Variants in TNS1 observed in about 807,000 individuals in gnomAD.
The protein encoded by TNS1 is tensin 1, also known as tensin-1.
Under a neutral mutation model 168.6 loss-of-function variants are expected in TNS1, and 62 were observed. That is an observed-to-expected ratio of 0.37 (90% CI 0.30 to 0.45). The LOEUF is 0.45. Ranked by LOEUF, TNS1 falls within the 20% of genes least tolerant of loss-of-function variation. TNS1 has a pLI of 1.00. For synonymous variants in TNS1, 934 were observed against 933.2 expected (o/e 1.00, Z -0.02); for missense variants, 2,240 against 2,339.4 (o/e 0.96, Z 0.88).
intron 21 of TNS1, 50 bp downstream of exon 21, chr2:217,835,041 G>A: frequency 6.7e-7 from 1 of 1,500,374 alleles, no homozygotes; most frequent in Non-Finnish European, 8.9e-7. Context: ...GGGTTGAGCT[G>A]AGGGGCTGGA....
At chr2:217,859,728 T>A in intron 18 of TNS1, 1 of 1,520,298 alleles carries the variant, frequency 6.6e-7, no homozygotes, top group African/African-American at 1.4e-5. Flanking sequence ...TAGCAGAGTA[T>A]CACTTTTCAG....
chr2:218,022,936 C>T (rs993668046), intron 1 of TNS1, among the ~76,000 whole-genome samples: 2 of 152,090 alleles, frequency 1.3e-5, no homozygotes, highest in East Asian at 3.9e-4. Context: ...GCTTCCTCGC[C>T]CACCCTGAGC....
At chr2:217,902,298 C>G (rs1953096897) in intron 6 of TNS1, among the ~76,000 whole-genome samples, 1 of 152,194 alleles carries the variant, frequency 6.6e-6, no homozygotes, top group Non-Finnish European at 1.5e-5. Context: ...CTATAAATAG[C>G]CCCTTGAGTT....
intron 2 of TNS1, among the ~76,000 whole-genome samples, chr2:217,981,068 C>T (rs896373877): frequency 6.6e-6 from 1 of 152,226 alleles, no homozygotes; most frequent in Non-Finnish European, 1.5e-5. Flanking sequence ...CCACACTACA[C>T]TCAGAGGGCA....
chr2:217,978,503 C>T (rs1189556987), intron 3 of TNS1, among the ~76,000 whole-genome samples: 6 of 151,960 alleles, frequency 3.9e-5, no homozygotes, highest in Non-Finnish European at 1.5e-5. Context: ...CATCAGCCAC[C>T]CCCGGTAACC....
intron 3 of TNS1, among the ~76,000 whole-genome samples, chr2:217,931,935 T>C (rs2125906797): frequency 6.6e-6 from 1 of 152,322 alleles, no homozygotes; most frequent in East Asian, 1.9e-4. Context: ...CTTTCTGATG[T>C]TTACCTATGT....
chr2:217,988,249 C>A (rs1168893865), intron 2 of TNS1, among the ~76,000 whole-genome samples: 1 of 152,228 alleles, frequency 6.6e-6, no homozygotes, highest in East Asian at 1.9e-4. Flanking sequence ...CCAGCAGGGC[C>A]AGGCTGAGAT....
chr2:217,899,127 A>G (rs1243579775), intron 7 of TNS1, among the ~76,000 whole-genome samples: 2 of 152,172 alleles, frequency 1.3e-5, no homozygotes, highest in African/African-American at 2.4e-5. Flanking sequence ...CTGAGAAGCC[A>G]TGAGGAATCC....
intron 19 of TNS1, among the ~76,000 whole-genome samples, chr2:217,846,026 A>G (rs1447660516): frequency 6.6e-6 from 1 of 152,130 alleles, no homozygotes; most frequent in African/African-American, 2.4e-5. Flanking sequence ...GAAGAAAAGG[A>G]TCTCTGCTGA....
intron 16 of TNS1, 29 bp from the exon 17 acceptor site, chr2:217,882,440 A>G: frequency 6.5e-7 from 1 of 1,538,260 alleles, no homozygotes; most frequent in East Asian, 2.3e-5. Context: ...AAATAAAAAT[A>G]GGCAAAAAGT....
At chr2:218,020,814 A>G (rs368110410) in intron 1 of TNS1, among the ~76,000 whole-genome samples, 29 of 152,322 alleles carry the variant, frequency 1.9e-4, no homozygotes, top group Middle Eastern at 3.4e-3. Flanking sequence ...GCACTCAGCC[A>G]GATACCCCAG....
At chr2:217,974,025 G>A (rs975413831) in intron 3 of TNS1, among the ~76,000 whole-genome samples, 9 of 152,260 alleles carry the variant, frequency 5.9e-5, no homozygotes, top group South Asian at 2.1e-4. Flanking sequence ...GAAATACGCC[G>A]GATACAAAAG....
rs201669397 is a variant in TNS1 at position 217,848,660 on chromosome 2, A to T, written c.1857T>A (p.Ser619=). ...CGTCCAGGATGTCTGTCTCCCGCTC[A>T]GATGCTAACGCCCCACCATTGACAT... is the stretch of plus-strand genomic sequence containing the variant. ...QVHVNGGALA[S]ERETDILDDE... is the part of the protein sequence containing the mutation. Residue 619 remains serine (S), a synonymous_variant, in exon 19 of 33, where the codon TCT becomes TCA. Coordinates refer to ENST00000682258, the MANE Select transcript of TNS1 (RefSeq NM_001387777.1). The T allele has an allele frequency of 1.1e-5, 18 of 1,614,210 alleles. No homozygotes were observed. Among genetic ancestry groups the T allele is most frequent in the Middle Eastern group, 1.6e-4 (1 of 6,062 alleles).
chr2:218,023,086 A>G (rs1033016858), intron 1 of TNS1, among the ~76,000 whole-genome samples: 2 of 152,238 alleles, frequency 1.3e-5, no homozygotes, highest in African/African-American at 4.8e-5. Flanking sequence ...AGGAGGTCCC[A>G]GGACAGGGGC....
chr2:217,825,228 T>G (rs1943442798), intron 22 of TNS1, among the ~76,000 whole-genome samples: 2 of 152,172 alleles, frequency 1.3e-5, no homozygotes, highest in South Asian at 2.1e-4. Flanking sequence ...TCAGGATAGC[T>G]TTGGCCTTTG....
At chr2:217,914,048 C>CAGGGGGTTT (rs112655706) in intron 4 of TNS1, among the ~76,000 whole-genome samples, 1 of 152,096 alleles carries the variant, frequency 6.6e-6, no homozygotes, top group African/African-American at 2.4e-5. Flanking sequence ...TCTGTTTCAG[C>CAGGGGGTTT]CCTGCTACCT....
rs551632200 is a variant in TNS1, at chr2:218,026,927, C to A, written c.156+6893G>T. ...AGGACATGGCGGAGGGCCAGCCACA[C>A]GAGGTGAGCTCTTGGCTCAGATACT... On this transcript the variant is annotated intron_variant, in intron 1 of 1. Transcript: ENST00000649572. Among the ~76,000 whole-genome samples, 15 of 152,346 alleles carry A rather than the reference C, an allele frequency of 9.8e-5. No individual in the cohort carries two copies. In the East Asian group the frequency reaches 2.9e-3, roughly 29 times the overall value.
At chr2:217,958,029 A>ACACACACACACACACACAC (rs1559387618) in intron 3 of TNS1, among the ~76,000 whole-genome samples, 13 of 151,726 alleles carry the variant, frequency 8.6e-5, no homozygotes, top group African/African-American at 2.4e-4. Flanking sequence ...ACACACACAC[A>ACACACACACACACACACAC]AAAGGAGGAG....
rs1188907631 is a variant in TNS1, at chr2:217,900,486, G to T, written c.348C>A (p.Val116=). 1.2e-5 allele frequency: 18 copies of T among 1,535,468 alleles called. No homozygotes were observed. Among genetic ancestry groups the T allele is most frequent in the Non-Finnish European group, 1.5e-5 (17 of 1,146,736 alleles). Residue 116 remains valine (V), a synonymous_variant, in exon 7 of 33, where the codon GTC becomes GTA. Transcript: ENST00000682258. The part of the protein sequence containing the change: ...DNGSTRVTPS[V]QPHLQPIRNM... The stretch of plus-strand genomic sequence containing the variant: ...ACCTGATGGGCTGGAGGTGGGGCTG[G>T]ACACTCGGGGTGACCCTGGTGGAGC...
Sources: gnomAD v4.1 joint callset for allele counts (sites outside exome capture counted in the v4.1 genomes callset) on GRCh38, gnomAD v4.1.1 for gene constraint, MANE v1.5 for transcripts, NCBI Gene and HGNC (gene_info 2026-07-23, HGNC 2026-07-21) for gene names.